The following NUDCD3 variants were observed in gnomAD, a reference collection of about 807,000 sequenced individuals.
NUDCD3 encodes nudC domain-containing protein 3.
Under a neutral mutation model 39.7 loss-of-function variants are expected in NUDCD3, and 13 were observed. The ratio of observed to expected loss-of-function variants is 0.33; its 90% CI spans 0.21 to 0.52. The LOEUF (loss-of-function observed/expected upper bound fraction) is 0.52, where lower values mean the gene tolerates loss of function less well. NUDCD3 is among the 20% of genes least tolerant of loss of function. The pLI, the probability that NUDCD3 is intolerant of heterozygous loss-of-function variation, is 0.96. For synonymous variants in NUDCD3, 175 were observed against 172.4 expected (o/e 1.02, Z -0.12); for missense variants, 453 against 458.1 (o/e 0.99, Z 0.10).
At chr7:44,429,112 G>A (rs929355460) in intron 2 of NUDCD3, among the ~76,000 whole-genome samples, 1 of 152,198 alleles carries the variant, frequency 6.6e-6, no homozygotes, top group Non-Finnish European at 1.5e-5. Context: ...TTTACCTACT[G>A]TGGGTATGCC....
At chr7:44,489,418 G>C (rs891250538) in intron 1 of NUDCD3, among the ~76,000 whole-genome samples, 1 of 152,216 alleles carries the variant, frequency 6.6e-6, no homozygotes, top group Non-Finnish European at 1.5e-5. Flanking sequence ...TTCTGCTGAG[G>C]AAAGTAACAT....
intron 5 of NUDCD3, among the ~76,000 whole-genome samples, chr7:44,386,908 C>A (rs1487654820): frequency 6.6e-6 from 1 of 152,194 alleles, no homozygotes; most frequent in East Asian, 1.9e-4. Context: ...CAAAGGGACT[C>A]TATATCTGCC....
At chr7:44,422,630 T>C (rs1799162638) in intron 3 of NUDCD3, among the ~76,000 whole-genome samples, 1 of 152,092 alleles carries the variant, frequency 6.6e-6, no homozygotes, top group Non-Finnish European at 1.5e-5. Context: ...AGTTCTGAAA[T>C]TGAGGCAATA....
At chr7:44,483,954 C>T (rs1323860824) in intron 2 of NUDCD3, among the ~76,000 whole-genome samples, 8 of 152,068 alleles carry the variant, frequency 5.3e-5, no homozygotes, top group East Asian at 3.9e-4. Flanking sequence ...TCATATATTG[C>T]GCTATGATCA....
intron 4 of NUDCD3, among the ~76,000 whole-genome samples, chr7:44,404,186 T>C (rs1312889712): frequency 6.6e-6 from 1 of 152,176 alleles, no homozygotes; most frequent in Admixed American, 6.5e-5. Context: ...TCATTTTCAA[T>C]TTACTTGTTT....
rs1265373946 is a variant in NUDCD3, at chr7:44,458,635, G to A, written c.509+26333C>T. Among the ~76,000 whole-genome samples the A allele has an allele frequency of 4.6e-5, 7 of 150,864 alleles. No homozygotes were observed. The South Asian group carries it at 6.3e-4, about 14-fold the overall frequency. ...ATTGTGAAATTGCACTCCAGCCTGC[G>A]CAACAAGAGCGAAACTCTGTCTCGG... On this transcript the variant is annotated intron_variant, in intron 2 of 5. Coordinates refer to ENST00000355451, the MANE Select transcript of NUDCD3 (RefSeq NM_015332.4).
intron 3 of NUDCD3, among the ~76,000 whole-genome samples, chr7:44,423,286 G>A (rs1799173978): frequency 2.0e-5 from 3 of 152,122 alleles, no homozygotes; most frequent in Admixed American, 6.6e-5. Flanking sequence ...TGGAAGTTCT[G>A]GCCAGGGCAA....
intron 2 of NUDCD3, chr7:44,468,353 A>C: frequency 8.6e-7 from 1 of 1,165,064 alleles, no homozygotes; most frequent in Non-Finnish European, 1.2e-6. Flanking sequence ...AAACTGCAAA[A>C]AAAAAAAAAA....
intron 3 of NUDCD3, among the ~76,000 whole-genome samples, chr7:44,425,153 G>A (rs906095228): frequency 6.6e-6 from 1 of 152,110 alleles, no homozygotes; most frequent in African/African-American, 2.4e-5. Context: ...GGGGTCGGGG[G>A]AAAGGGGAGG....
chr7:44,396,747 G>C (rs1412959444), intron 4 of NUDCD3, among the ~76,000 whole-genome samples: 2 of 152,142 alleles, frequency 1.3e-5, no homozygotes, highest in Non-Finnish European at 2.9e-5. Flanking sequence ...CTTCTGGGAG[G>C]CCTCAGATAT....
At chr7:44,468,349 CAAAAAAAAAAAAA>C (rs77181470) in intron 2 of NUDCD3, 3 of 375,658 alleles carry the variant, frequency 8.0e-6, no homozygotes, top group Non-Finnish European at 8.4e-6. Context: ...GTAAAAACTG[CAAAAAAAAAAAAA>C]AAAAAAAAGA....
chr7:44,446,379 A>C (rs1308808466), intron 2 of NUDCD3, among the ~76,000 whole-genome samples: 3 of 152,226 alleles, frequency 2.0e-5, no homozygotes, highest in Non-Finnish European at 2.9e-5. Context: ...CAGCTAGCTG[A>C]AATCTCTGCA....
At chr7:44,486,051 G>C (rs1181250909) in intron 1 of NUDCD3, among the ~76,000 whole-genome samples, 1 of 152,246 alleles carries the variant, frequency 6.6e-6, no homozygotes, top group Non-Finnish European at 1.5e-5. Context: ...AATCTAGGGA[G>C]ACTTCTTGGA....
intron 2 of NUDCD3, among the ~76,000 whole-genome samples, chr7:44,456,689 G>A (rs770973546): frequency 2.6e-5 from 4 of 151,714 alleles, no homozygotes; most frequent in Admixed American, 1.3e-4. Context: ...CCAGGAGGTC[G>A]AGGCTACAGT....
At chr7:44,428,740 C>T (rs1799290113) in intron 2 of NUDCD3, among the ~76,000 whole-genome samples, 1 of 152,126 alleles carries the variant, frequency 6.6e-6, no homozygotes, top group Non-Finnish European at 1.5e-5. Context: ...TGTAACAATG[C>T]TAATAATATA....
At chr7:44,446,995 T>C (rs1799700939) in intron 2 of NUDCD3, among the ~76,000 whole-genome samples, 2 of 152,220 alleles carry the variant, frequency 1.3e-5, no homozygotes, top group Non-Finnish European at 2.9e-5. Flanking sequence ...ATGAAACAAA[T>C]GTCAGAAAGT....
At chr7:44,463,420 T>C (rs1286422274) in intron 2 of NUDCD3, among the ~76,000 whole-genome samples, 1 of 152,192 alleles carries the variant, frequency 6.6e-6, no homozygotes, top group Non-Finnish European at 1.5e-5. Flanking sequence ...CCACCAACAA[T>C]GTCTAGAGAC....
At chr7:44,409,020 C>T (rs1354454333) in intron 3 of NUDCD3, among the ~76,000 whole-genome samples, 2 of 152,198 alleles carry the variant, frequency 1.3e-5, no homozygotes, top group Non-Finnish European at 2.9e-5. Context: ...AGTGTTTTAA[C>T]TTTGCAGCCT....
intron 2 of NUDCD3, among the ~76,000 whole-genome samples, chr7:44,463,849 G>C (rs1800065637): frequency 6.6e-6 from 1 of 151,986 alleles, no homozygotes; most frequent in Non-Finnish European, 1.5e-5. Context: ...CATTTTCAAA[G>C]AAATATATTT....
Sources: allele counts gnomAD v4.1 joint callset (sites outside exome capture counted in the v4.1 genomes callset), GRCh38; gene constraint gnomAD v4.1.1; transcripts MANE v1.5; gene names NCBI Gene and HGNC (gene_info 2026-07-23, HGNC 2026-07-21).